Variants in GRIA3 observed in about 807,000 individuals in gnomAD.
The protein encoded by GRIA3 is glutamate ionotropic receptor AMPA type subunit 3.
GRIA3 carries 3 observed loss-of-function variants against 63.0 expected under a neutral mutation model. The observed-to-expected ratio is 0.05, with a 90% CI of 0.02 to 0.12. The LOEUF (loss-of-function observed/expected upper bound fraction) is 0.12, where lower values mean the gene tolerates loss of function less well. Among genes scored for constraint, GRIA3 ranks in the 10% least tolerant of loss-of-function variants. The pLI is 1.00. For synonymous variants in GRIA3, 274 were observed against 257.9 expected, an observed-to-expected ratio of 1.06 and a Z score of -0.60; for missense variants, 347 against 700.9, an observed-to-expected ratio of 0.50 and a Z score of 5.70.
At chrX:123,260,051 C>A (rs1427623917) in intron 3 of GRIA3, among the ~76,000 whole-genome samples, 2 of 109,816 alleles carry the variant, frequency 1.8e-5, no homozygotes, top group Non-Finnish European at 3.8e-5. Context: ...GGTCAAAAAT[C>A]CAGGTTAAGA....
Position 123,422,428 on chromosome X carries a change from G to T in GRIA3, c.1877+4650G>T, listed in dbSNP as rs183966527. Reference sequence around the variant, plus strand: ...AAGGTAATCAATATAATAACCTGAGGTTTTGTCCACATACAAACTGATTTA... The same window carrying T: ...AAGGTAATCAATATAATAACCTGAGTTTTTGTCCACATACAAACTGATTTA... On this transcript the variant is annotated intron_variant, in intron 11 of 15. Coordinates refer to ENST00000620443, the MANE Select transcript of GRIA3 (RefSeq NM_007325.5). Among the ~76,000 whole-genome samples, 287 of 112,363 alleles carry T rather than the reference G, an allele frequency of 2.6e-3. 1 individual carries two copies. The highest frequency in any genetic ancestry group is 8.7e-3 in the African/African-American group (270 of 31,002).
rs775168262 is a variant in GRIA3 at position 123,284,157 on chromosome X, CCTGA to C, written c.508+30619_508+30622del. ...CTCCAGCAGACTGGCAGCAGAGGGG[CCTGA>C]CTGTTAGAAGGAAAACTAACAAACA... On this transcript the variant is annotated intron_variant, in intron 3 of 15. Coordinates refer to ENST00000620443, the MANE Select transcript of GRIA3 (RefSeq NM_007325.5). Among the ~76,000 whole-genome samples, 538 of 112,179 alleles carry C rather than the reference CCTGA, an allele frequency of 4.8e-3. 1 individual carries two copies. Among genetic ancestry groups the C allele is most frequent in the Non-Finnish European group, 7.9e-3 (418 of 53,140 alleles).
intron 5 of GRIA3, among the ~76,000 whole-genome samples, chrX:123,370,180 G>A (rs1016294420): frequency 9.8e-5 from 11 of 111,769 alleles, no homozygotes; most frequent in Non-Finnish European, 1.7e-4. Flanking sequence ...ACAGGATTAG[G>A]AGCCAGCAAA....
At chrX:123,412,407 A>C (rs2045511906) in intron 10 of GRIA3, among the ~76,000 whole-genome samples, 1 of 112,262 alleles carries the variant, frequency 8.9e-6, no homozygotes, top group Admixed American at 9.4e-5. Context: ...TAATATAAGT[A>C]AATTGCATAT....
At chrX:123,352,033 C>T (rs2045098295) in intron 4 of GRIA3, among the ~76,000 whole-genome samples, 1 of 111,289 alleles carries the variant, frequency 9.0e-6, no homozygotes, top group South Asian at 3.8e-4. Context: ...AATGAATGAC[C>T]CCTTCCCACA....
chrX:123,373,197 A>G (rs1359950263), intron 5 of GRIA3, among the ~76,000 whole-genome samples: 1 of 110,988 alleles, frequency 9.0e-6, no homozygotes, highest in African/African-American at 3.3e-5. Context: ...ACATGAACTC[A>G]TCATTTTTTA....
chrX:123,261,591 G>A (rs1051399954), intron 3 of GRIA3, among the ~76,000 whole-genome samples: 2 of 111,587 alleles, frequency 1.8e-5, no homozygotes, highest in African/African-American at 6.5e-5. Context: ...TCCTTCATAT[G>A]CGGAAATGGT....
At chrX:123,442,717 T>C (rs1487955244) in intron 12 of GRIA3, among the ~76,000 whole-genome samples, 2 of 111,889 alleles carry the variant, frequency 1.8e-5, no homozygotes, top group African/African-American at 6.5e-5. Context: ...AAGATGCTAA[T>C]TCCATGCATC....
rs2045959127 is a variant in GRIA3 at position 123,489,623 on chromosome X, T to C, written c.*913T>C. ...TGCATTTTAAGTCAATAGAGCTGAG[T>C]ATCTAGCATTGAGGTGAGGGAAATG... On this transcript the variant is annotated 3_prime_UTR_variant, in exon 16 of 16. Transcript: ENST00000620443. The C allele has an allele frequency of 8.9e-6, 1 of 112,097 alleles. No individual in the cohort carries two copies. The highest frequency in any genetic ancestry group is 1.9e-5 in the Non-Finnish European group (1 of 53,167). The allele number at this position is 112,097 out of a possible 1,213,427, so 9.2% of individuals were successfully genotyped here.
intron 12 of GRIA3, among the ~76,000 whole-genome samples, chrX:123,438,528 C>CT (rs764723833): frequency 9.1e-6 from 1 of 109,454 alleles, no homozygotes; most frequent in African/African-American, 3.3e-5. Context: ...TCTGCTATAA[C>CT]TTTTTTTTTT....
At chrX:123,267,402 G>A (rs921760589) in intron 3 of GRIA3, among the ~76,000 whole-genome samples, 1 of 111,979 alleles carries the variant, frequency 8.9e-6, no homozygotes, top group Non-Finnish European at 1.9e-5. Flanking sequence ...TTTCTGGCTA[G>A]AGGACAAAGC....
At chrX:123,224,326 A>C (rs1016271722) in intron 2 of GRIA3, among the ~76,000 whole-genome samples, 4 of 111,773 alleles carry the variant, frequency 3.6e-5, no homozygotes, top group Admixed American at 1.9e-4. Flanking sequence ...CTCTTGTCCC[A>C]AAATCCTTCC....
At chrX:123,250,047 C>T (rs988296049) in intron 2 of GRIA3, among the ~76,000 whole-genome samples, 6 of 111,167 alleles carry the variant, frequency 5.4e-5, no homozygotes, top group Non-Finnish European at 9.4e-5. Context: ...AATAATATAT[C>T]GTTTAGGTGT....
At chrX:123,326,723 A>C (rs1264797469) in intron 4 of GRIA3, among the ~76,000 whole-genome samples, 1 of 111,635 alleles carries the variant, frequency 9.0e-6, no homozygotes, top group Non-Finnish European at 1.9e-5. Flanking sequence ...CCAAGTTTTG[A>C]ATTTGTCTAC....
intron 4 of GRIA3, among the ~76,000 whole-genome samples, chrX:123,349,995 G>A (rs747351336): frequency 6.3e-5 from 7 of 111,005 alleles, no homozygotes; most frequent in Non-Finnish European, 1.3e-4. Flanking sequence ...GGATGCCATA[G>A]GACAACAGTA....
chrX:123,287,932 G>C (rs755365823), intron 3 of GRIA3, among the ~76,000 whole-genome samples: 184 of 110,873 alleles, frequency 1.7e-3, no homozygotes, highest in African/African-American at 5.8e-3. Flanking sequence ...TTTCATAAGG[G>C]ACCAAAAAAG....
At chrX:123,405,933 T>C (rs755716386) in intron 10 of GRIA3, among the ~76,000 whole-genome samples, 5 of 112,560 alleles carry the variant, frequency 4.4e-5, no homozygotes, top group East Asian at 2.8e-4. Context: ...GTCTGAAACA[T>C]AGACATTCAA....
At chrX:123,326,295 A>G in intron 4 of GRIA3, 82 bp downstream of exon 4, 1 of 790,832 alleles carries the variant, frequency 1.3e-6, no homozygotes, top group African/African-American at 2.0e-5. Flanking sequence ...TAATAAATTA[A>G]GTAGCCAACA....
chrX:123,449,314 C>G (rs190749525), intron 12 of GRIA3, among the ~76,000 whole-genome samples: 11 of 112,418 alleles, frequency 9.8e-5, no homozygotes, highest in Non-Finnish European at 1.5e-4. Flanking sequence ...GGCTATCTGA[C>G]TACTTCTCTA....
Sources: allele counts gnomAD v4.1 joint callset (sites outside exome capture counted in the v4.1 genomes callset), GRCh38; gene constraint gnomAD v4.1.1; transcripts MANE v1.5; gene names NCBI Gene and HGNC (gene_info 2026-07-23, HGNC 2026-07-21).